Variants in HMCN1 observed in about 807,000 individuals in gnomAD.
HMCN1 encodes hemicentin 1.
In HMCN1, 321 loss-of-function variants were observed where a neutral mutation model predicts 625.9. The ratio of observed to expected loss-of-function variants is 0.51; its 90% CI spans 0.47 to 0.56. The LOEUF (loss-of-function observed/expected upper bound fraction) is 0.56, where lower values mean the gene tolerates loss of function less well. Ranked by LOEUF, HMCN1 falls within the 20% of genes least tolerant of loss-of-function variation. The probability of loss-of-function intolerance (pLI) is 0.00; values close to 1 mark genes in which losing one functional copy is unlikely to be tolerated. For synonymous variants in HMCN1, 2,425 were observed against 2,417.6 expected, an observed-to-expected ratio of 1.00 and a Z score of -0.09; for missense variants, 6,588 against 6,887.3, an observed-to-expected ratio of 0.96 and a Z score of 1.54.
At chr1:186,149,421 C>T (rs898301323) in intron 93 of HMCN1, among the ~76,000 whole-genome samples, 6 of 152,168 alleles carry the variant, frequency 3.9e-5, no homozygotes, top group Non-Finnish European at 7.3e-5. Context: ...TCTGCAGCTT[C>T]CTCATCTACC....
At chr1:185,905,387 A>G (rs1422318690) in intron 4 of HMCN1, among the ~76,000 whole-genome samples, 1 of 151,714 alleles carries the variant, frequency 6.6e-6, no homozygotes, top group East Asian at 1.9e-4. Flanking sequence ...AGAACTTACA[A>G]TTTAGAAGGA....
At chr1:185,800,383 C>T (rs927644177) in intron 1 of HMCN1, among the ~76,000 whole-genome samples, 4 of 152,196 alleles carry the variant, frequency 2.6e-5, no homozygotes, top group Admixed American at 2.0e-4. Flanking sequence ...CTAGCCACAC[C>T]TAGTCAGTCA....
intron 23 of HMCN1, 128 bp downstream of exon 23, chr1:185,993,437 A>G (rs1652573084): frequency 2.1e-6 from 2 of 970,600 alleles, no homozygotes; most frequent in South Asian, 2.9e-5. Flanking sequence ...ATTCTCTAAA[A>G]TCTGAGACTT....
In HMCN1 at chr1:186,087,774, C is replaced by T. The variant is rs770404103; in HGVS notation, c.9363+129C>T. On this transcript the variant is annotated intron_variant, in intron 60 of 106. Coordinates refer to ENST00000271588, the MANE Select transcript of HMCN1 (RefSeq NM_031935.3). ...TCATTAAAAAAATACATAGCCAATG[C>T]CATTGACTATTTTTATAAAAAATAG... 3.8e-5 allele frequency: 44 copies of T among 1,148,332 alleles called. 1 individual carries two copies. Among genetic ancestry groups the T allele is most frequent in the Admixed American group, 1.6e-4 (9 of 56,106 alleles). The allele number at this position is 1,148,332 out of a possible 1,614,324, so 71.1% of individuals were successfully genotyped here.
At chr1:186,115,517 A>ATT (rs978346684) in intron 75 of HMCN1, 103 bp downstream of exon 75, 1 of 1,083,974 alleles carries the variant, frequency 9.2e-7, no homozygotes, top group African/African-American at 1.6e-5. Flanking sequence ...GACTATAACA[A>ATT]ATTAGCTAGC....
At chr1:186,123,413 G>C (rs915506339) in intron 81 of HMCN1, among the ~76,000 whole-genome samples, 193 bp downstream of exon 81, 2 of 152,070 alleles carry the variant, frequency 1.3e-5, no homozygotes, top group Non-Finnish European at 2.9e-5. Context: ...TGTGCACATA[G>C]GTGTGTGAGA....
intron 11 of HMCN1, among the ~76,000 whole-genome samples, chr1:185,939,758 A>G (rs1351059381): frequency 6.6e-6 from 1 of 152,116 alleles, no homozygotes; most frequent in East Asian, 1.9e-4. Context: ...TATCGCTTTC[A>G]TATTTAAAAT....
At chr1:185,992,374 A>G (rs1228777936) in intron 22 of HMCN1, among the ~76,000 whole-genome samples, 1 of 152,128 alleles carries the variant, frequency 6.6e-6, no homozygotes, top group East Asian at 1.9e-4. Context: ...CTAATATTTT[A>G]AGTTTTCTTT....
intron 2 of HMCN1, among the ~76,000 whole-genome samples, chr1:185,849,364 T>C (rs1390756703): frequency 6.6e-6 from 1 of 152,216 alleles, no homozygotes; most frequent in South Asian, 2.1e-4. Context: ...AATCCTGCCC[T>C]ATTTTCTTGG....
At chr1:186,059,918 C>T (rs914386625) in intron 46 of HMCN1, among the ~76,000 whole-genome samples, 1 of 151,918 alleles carries the variant, frequency 6.6e-6, no homozygotes, top group Non-Finnish European at 1.5e-5. Flanking sequence ...GTTTGTAGAG[C>T]CAGCAGTGAT....
chr1:185,903,833 C>T (rs535378457), intron 4 of HMCN1, among the ~76,000 whole-genome samples: 1 of 151,848 alleles, frequency 6.6e-6, no homozygotes, highest in Non-Finnish European at 1.5e-5. Flanking sequence ...CATGAGAAAT[C>T]GAATTGCTTG....
chr1:185,738,887 T>C (rs1450337592), intron 1 of HMCN1, among the ~76,000 whole-genome samples: 1 of 152,220 alleles, frequency 6.6e-6, no homozygotes, highest in Non-Finnish European at 1.5e-5. Context: ...AACTTTCATT[T>C]TAGGTTCAGG....
chr1:185,869,803 A>G (rs1026272932), intron 4 of HMCN1, among the ~76,000 whole-genome samples: 3 of 152,154 alleles, frequency 2.0e-5, no homozygotes, highest in Admixed American at 6.5e-5. Context: ...AACAGATGCT[A>G]TACTGGTGTC....
At chr1:185,873,265 G>A (rs1231868491) in intron 4 of HMCN1, among the ~76,000 whole-genome samples, 2 of 152,064 alleles carry the variant, frequency 1.3e-5, no homozygotes, top group Non-Finnish European at 2.9e-5. Context: ...CTACCAAAAA[G>A]TTACTGTGTC....
At chr1:185,992,219 T>C (rs895152877) in intron 22 of HMCN1, among the ~76,000 whole-genome samples, 53 of 152,160 alleles carry the variant, frequency 3.5e-4, no homozygotes, top group African/African-American at 1.2e-3. Context: ...ATTTCTGTGG[T>C]GTCAAGTTTA....
At chr1:185,928,471 A>C (rs1667384094) in intron 9 of HMCN1, 75 bp from the exon 10 acceptor site, 2 of 1,250,724 alleles carry the variant, frequency 1.6e-6, no homozygotes, top group Non-Finnish European at 2.3e-6. Context: ...AACCTTCAAA[A>C]GAAATAGTTA....
At chr1:185,955,004 T>G (rs1229798773) in intron 11 of HMCN1, among the ~76,000 whole-genome samples, 4 of 152,284 alleles carry the variant, frequency 2.6e-5, no homozygotes, top group African/African-American at 9.6e-5. Context: ...ATAGTATTTT[T>G]AGATTAAGGT....
At chr1:186,123,332 A>C in intron 81 of HMCN1, 112 bp downstream of exon 81, 1 of 1,275,398 alleles carries the variant, frequency 7.8e-7, no homozygotes, top group Non-Finnish European at 1.1e-6. Flanking sequence ...CAGTAATCCA[A>C]AGTGTGTGTG....
intron 1 of HMCN1, among the ~76,000 whole-genome samples, chr1:185,757,621 T>A (rs981073163): frequency 1.3e-5 from 2 of 152,074 alleles, no homozygotes; most frequent in African/African-American, 4.8e-5. Context: ...CAAAGACCAA[T>A]TATTATTATA....
Sources: gnomAD v4.1 joint callset for allele counts (sites outside exome capture counted in the v4.1 genomes callset) on GRCh38, gnomAD v4.1.1 for gene constraint, MANE v1.5 for transcripts, NCBI Gene and HGNC (gene_info 2026-07-23, HGNC 2026-07-21) for gene names.